Variants in FGGY observed in about 807,000 individuals in gnomAD.
FGGY encodes FGGY carbohydrate kinase domain containing, also known as FGGY carbohydrate kinase domain-containing protein.
Under a neutral mutation model 71.3 loss-of-function variants are expected in FGGY, and 72 were observed. The observed-to-expected ratio is 1.01, with a 90% confidence interval of 0.84 to 1.23. FGGY has a LOEUF of 1.23. FGGY is among the 50% of genes most tolerant of loss of function. The pLI is 0.00. For synonymous variants in FGGY, 251 were observed against 250.3 expected (o/e 1.00, Z -0.02); for missense variants, 668 against 682.3 (o/e 0.98, Z 0.23).
At chr1:59,470,448 A>C (rs2092882645) in intron 6 of FGGY, among the ~76,000 whole-genome samples, 1 of 152,092 alleles carries the variant, frequency 6.6e-6, no homozygotes, top group Non-Finnish European at 1.5e-5. Flanking sequence ...CATGAACTCC[A>C]CTTCAGGACT....
At chr1:59,628,684 G>A (rs185156157) in intron 10 of FGGY, among the ~76,000 whole-genome samples, 63 of 152,290 alleles carry the variant, frequency 4.1e-4, no homozygotes, top group Non-Finnish European at 2.9e-5. Context: ...TGCTGATAAT[G>A]CTTAGTTGTC....
At chr1:59,446,887 C>T (rs1470732640) in intron 5 of FGGY, among the ~76,000 whole-genome samples, 8 of 152,098 alleles carry the variant, frequency 5.3e-5, no homozygotes, top group East Asian at 1.9e-4. Context: ...GCAGCAGTGC[C>T]GGCTTCATTT....
intron 8 of FGGY, among the ~76,000 whole-genome samples, chr1:59,583,173 AC>A (rs1435382663): frequency 2.8e-5 from 4 of 143,024 alleles, no homozygotes; most frequent in Admixed American, 2.1e-4. Flanking sequence ...GATGTAACTA[AC>A]TATAGGAAGT....
chr1:59,380,571 T>G lies in FGGY; in HGVS notation c.554+1734T>G, dbSNP rs553709353. On this transcript the variant is annotated intron_variant, in intron 5 of 15. Transcript: ENST00000303721. ...GTGATGATGAGCATTTTTTCATGTG[T>G]CTTCTGGCTGCATAAATGTCTTCTT... 4.9e-4 allele frequency among the ~76,000 whole-genome samples: 74 copies of G among 151,838 alleles called. 2 individuals are homozygous for G. Among genetic ancestry groups the G allele is most frequent in the South Asian group, 1.9e-3 (9 of 4,828 alleles).
rs538886140 is a variant in FGGY, at chr1:59,566,304, T to C, written c.903+12077T>C. 4.6e-5 allele frequency among the ~76,000 whole-genome samples: 7 copies of C among 152,326 alleles called. No individual in the cohort carries two copies. The South Asian group carries it at 1.2e-3, about 27-fold the overall frequency. ...TCATTTAGTTCTACATACATTTAGT[T>C]CAGAGGCTTTAGTATTTATGCCTTG... On this transcript the variant is annotated intron_variant, in intron 8 of 15. Coordinates refer to ENST00000303721, the MANE Select transcript of FGGY (RefSeq NM_018291.5).
intron 7 of FGGY, among the ~76,000 whole-genome samples, chr1:59,537,292 G>T (rs1378676888): frequency 6.6e-6 from 1 of 152,040 alleles, no homozygotes; most frequent in Non-Finnish European, 1.5e-5. Context: ...ACTTACAAGG[G>T]ATGTGAAGGA....
At chr1:59,585,280 C>T (rs1458326435) in intron 8 of FGGY, among the ~76,000 whole-genome samples, 2 of 152,150 alleles carry the variant, frequency 1.3e-5, no homozygotes, top group African/African-American at 2.4e-5. Flanking sequence ...TACTACCAGG[C>T]TACAGGAACC....
At chr1:59,372,585 A>T (rs2057872383) in intron 4 of FGGY, among the ~76,000 whole-genome samples, 1 of 152,202 alleles carries the variant, frequency 6.6e-6, no homozygotes, top group Admixed American at 6.5e-5. Flanking sequence ...CTGATACCAA[A>T]GCCTGGCAGA....
chr1:59,578,537 A>G (rs1029431259), intron 8 of FGGY, among the ~76,000 whole-genome samples: 50 of 152,266 alleles, frequency 3.3e-4, no homozygotes, highest in Middle Eastern at 6.8e-3. Flanking sequence ...TAGCTGCAGA[A>G]GGGAGAATTT....
At chr1:59,627,229 GC>G (rs1292179890) in intron 10 of FGGY, among the ~76,000 whole-genome samples, 1 of 151,778 alleles carries the variant, frequency 6.6e-6, no homozygotes, top group Admixed American at 6.6e-5. Context: ...TTGACTATAT[GC>G]CATATGGCTA....
intron 11 of FGGY, among the ~76,000 whole-genome samples, chr1:59,658,106 A>T (rs1405985501): frequency 6.6e-6 from 1 of 152,210 alleles, no homozygotes; most frequent in African/African-American, 2.4e-5. Context: ...CTGAGTGCTT[A>T]CTATGTTCCA....
At chr1:59,649,113 C>T (rs1572623287) in intron 11 of FGGY, among the ~76,000 whole-genome samples, 1 of 152,112 alleles carries the variant, frequency 6.6e-6, no homozygotes, top group East Asian at 1.9e-4. Flanking sequence ...GTCTATATCT[C>T]TCTTTTGGTA....
At chr1:59,354,757 CT>C (rs2053972150) in intron 4 of FGGY, among the ~76,000 whole-genome samples, 1 of 152,114 alleles carries the variant, frequency 6.6e-6, no homozygotes, top group Non-Finnish European at 1.5e-5. Flanking sequence ...AACTTAGAGT[CT>C]AGTGTAGAGA....
chr1:59,385,840 G>A (rs2060009071), intron 5 of FGGY, among the ~76,000 whole-genome samples: 1 of 152,028 alleles, frequency 6.6e-6, no homozygotes, highest in Non-Finnish European at 1.5e-5. Flanking sequence ...CAAAGACAGA[G>A]CTTAATCAAG....
At chr1:59,693,205 G>C (rs906140960) in intron 14 of FGGY, among the ~76,000 whole-genome samples, 11 of 152,242 alleles carry the variant, frequency 7.2e-5, no homozygotes, top group African/African-American at 2.4e-4. Context: ...ACAGCTTGAC[G>C]TGCTAGAAAG....
intron 8 of FGGY, among the ~76,000 whole-genome samples, chr1:59,589,707 A>G (rs1033157664): frequency 1.3e-5 from 2 of 152,258 alleles, no homozygotes; most frequent in Admixed American, 6.5e-5. Flanking sequence ...TAATGAAATG[A>G]AGGCAGTAAT....
chr1:59,744,550 G>T (rs969396915), intron 14 of FGGY, among the ~76,000 whole-genome samples: 2 of 152,232 alleles, frequency 1.3e-5, no homozygotes, highest in African/African-American at 4.8e-5. Flanking sequence ...GCTAGTGAAA[G>T]AGTCAAAGTT....
chr1:59,525,340 A>G (rs2153655289), intron 7 of FGGY, among the ~76,000 whole-genome samples: 1 of 152,260 alleles, frequency 6.6e-6, no homozygotes, highest in East Asian at 1.9e-4. Flanking sequence ...AGTGGGTGGA[A>G]TGAGCCCAGC....
At chr1:59,487,948 G>A (rs2093703467) in intron 6 of FGGY, among the ~76,000 whole-genome samples, 1 of 152,088 alleles carries the variant, frequency 6.6e-6, no homozygotes, top group African/African-American at 2.4e-5. Flanking sequence ...AAGCCAGAAA[G>A]TGAATGAAGC....
Sources: gnomAD v4.1 joint callset for allele counts (sites outside exome capture counted in the v4.1 genomes callset) on GRCh38, gnomAD v4.1.1 for gene constraint, MANE v1.5 for transcripts, NCBI Gene and HGNC (gene_info 2026-07-23, HGNC 2026-07-21) for gene names.